Variants in ZNF804B observed in about 807,000 individuals in gnomAD.
ZNF804B encodes the protein zinc finger 804B.
ZNF804B carries 80 observed loss-of-function variants against 101.4 expected under a neutral mutation model. That is an observed-to-expected ratio of 0.79 (90% CI 0.66 to 0.95). The LOEUF is 0.95. ZNF804B is among the 40% of genes least tolerant of loss of function. The pLI, the probability that ZNF804B is intolerant of heterozygous loss-of-function variation, is 0.00. For synonymous variants in ZNF804B, 622 were observed against 558.8 expected (o/e 1.11, Z -1.59); for missense variants, 1,673 against 1,561.9 (o/e 1.07, Z -1.20).
intron 1 of ZNF804B, among the ~76,000 whole-genome samples, chr7:89,059,975 T>C (rs972726640): frequency 3.3e-5 from 5 of 152,104 alleles, no homozygotes; most frequent in Non-Finnish European, 7.4e-5. Context: ...CCTTGGAAAT[T>C]AGAGCTCTGG....
chr7:89,009,351 A>G (rs1431546267), intron 1 of ZNF804B, among the ~76,000 whole-genome samples: 2 of 152,194 alleles, frequency 1.3e-5, no homozygotes, highest in African/African-American at 2.4e-5. Flanking sequence ...AAATATATGT[A>G]TCCACTCTCA....
intron 1 of ZNF804B, among the ~76,000 whole-genome samples, chr7:88,891,010 C>G (rs1696205930): frequency 6.6e-6 from 1 of 151,730 alleles, no homozygotes; most frequent in African/African-American, 2.4e-5. Context: ...TTGTTTTATC[C>G]TCCTCAATAG....
chr7:88,901,829 T>C (rs1384587004), intron 1 of ZNF804B, among the ~76,000 whole-genome samples: 1 of 151,906 alleles, frequency 6.6e-6, no homozygotes, highest in Non-Finnish European at 1.5e-5. Context: ...ATAATTATAA[T>C]GAGCACTTAG....
chr7:89,040,701 C>T (rs2116247909), intron 1 of ZNF804B, among the ~76,000 whole-genome samples: 1 of 152,112 alleles, frequency 6.6e-6, no homozygotes, highest in East Asian at 1.9e-4. Flanking sequence ...TGTGGACTTG[C>T]ATTGGTGTCT....
chr7:89,217,320 G>A (rs1258798742), intron 1 of ZNF804B, among the ~76,000 whole-genome samples: 1 of 152,148 alleles, frequency 6.6e-6, no homozygotes, highest in Non-Finnish European at 1.5e-5. Context: ...GCCAGGCATA[G>A]GTTGTTTGAA....
chr7:88,898,106 A>G (rs1214829069), intron 1 of ZNF804B, among the ~76,000 whole-genome samples: 1 of 51,756 alleles, frequency 1.9e-5, no homozygotes, highest in African/African-American at 5.9e-5. Flanking sequence ...TTTTTTTTTG[A>G]GATAGAGTCT....
chr7:88,833,104 G>A (rs1583964554), intron 1 of ZNF804B, among the ~76,000 whole-genome samples: 1 of 149,332 alleles, frequency 6.7e-6, no homozygotes, highest in Admixed American at 6.7e-5. Flanking sequence ...ATATAAATTT[G>A]CAATTTAATA....
chr7:88,963,113 T>C (rs73399381), intron 1 of ZNF804B, among the ~76,000 whole-genome samples: 5,185 of 151,200 alleles, frequency 0.034, 114 homozygotes, highest in African/African-American at 0.059. Flanking sequence ...TAATCTACAC[T>C]TTCAGTATAA....
intron 1 of ZNF804B, among the ~76,000 whole-genome samples, chr7:88,816,610 C>T (rs889437437): frequency 1.3e-5 from 2 of 150,052 alleles, no homozygotes; most frequent in African/African-American, 4.9e-5. Flanking sequence ...GACATTTATG[C>T]AGCCAACAGA....
At chr7:89,223,698 G>A (rs1789039880) in intron 2 of ZNF804B, among the ~76,000 whole-genome samples, 1 of 151,038 alleles carries the variant, frequency 6.6e-6, no homozygotes, top group Admixed American at 6.6e-5. Context: ...AAAAAATTAA[G>A]ATATTTTCTT....
At chr7:88,780,128 T>A (rs1790201526) in intron 1 of ZNF804B, among the ~76,000 whole-genome samples, 1 of 152,138 alleles carries the variant, frequency 6.6e-6, no homozygotes, top group Non-Finnish European at 1.5e-5. Context: ...TAAGATGTCA[T>A]CTCACTCCAG....
chr7:89,026,806 C>T lies in ZNF804B; in HGVS notation c.109-191349C>T, dbSNP rs557645740. On this transcript the variant is annotated intron_variant, in intron 1 of 3. Coordinates refer to ENST00000333190, the MANE Select transcript of ZNF804B (RefSeq NM_181646.5). Reference sequence around the variant, plus strand: ...AAAGATAGAAGTTCCAATTTAGACACGATGATTTTAAGATTTGGTTGGACA... The same window carrying T: ...AAAGATAGAAGTTCCAATTTAGACATGATGATTTTAAGATTTGGTTGGACA... Among the ~76,000 whole-genome samples, 6 of 152,120 alleles carry T rather than the reference C, an allele frequency of 3.9e-5. No individual in the cohort carries two copies. In the South Asian group the frequency reaches 8.3e-4, roughly 21 times the overall value.
intron 2 of ZNF804B, among the ~76,000 whole-genome samples, chr7:89,232,262 G>C (rs1162925485): frequency 2.0e-5 from 3 of 152,022 alleles, no homozygotes; most frequent in Non-Finnish European, 2.9e-5. Context: ...ATTCAACCTT[G>C]CATTTCTGGA....
intron 2 of ZNF804B, among the ~76,000 whole-genome samples, chr7:89,287,158 T>C (rs1015489747): frequency 3.3e-5 from 5 of 152,204 alleles, no homozygotes; most frequent in African/African-American, 1.2e-4. Flanking sequence ...ACATACAAAA[T>C]ATGTGTTAAT....
chr7:89,200,979 T>A (rs1788624244), intron 1 of ZNF804B, among the ~76,000 whole-genome samples: 1 of 152,026 alleles, frequency 6.6e-6, no homozygotes, highest in Non-Finnish European at 1.5e-5. Flanking sequence ...GAAACCATAG[T>A]GATATTCAGG....
intron 1 of ZNF804B, among the ~76,000 whole-genome samples, chr7:89,010,498 G>A (rs995710443): frequency 1.3e-5 from 2 of 151,980 alleles, no homozygotes; most frequent in Non-Finnish European, 2.9e-5. Context: ...TTCCTTGGAG[G>A]GTTCCTAAAG....
At chr7:88,842,051 A>G (rs1791299406) in intron 1 of ZNF804B, among the ~76,000 whole-genome samples, 1 of 152,302 alleles carries the variant, frequency 6.6e-6, no homozygotes, top group South Asian at 2.1e-4. Context: ...ACTAAACAAT[A>G]TATACTTTTT....
chr7:88,787,303 A>G (rs913256782), intron 1 of ZNF804B, among the ~76,000 whole-genome samples: 2 of 152,132 alleles, frequency 1.3e-5, no homozygotes, highest in Non-Finnish European at 2.9e-5. Context: ...AATCCATTGA[A>G]TAATTTTGAT....
chr7:88,931,850 C>T (rs1792891861), intron 1 of ZNF804B, among the ~76,000 whole-genome samples: 1 of 151,772 alleles, frequency 6.6e-6, no homozygotes, highest in Admixed American at 6.6e-5. Context: ...CTTGTTCACA[C>T]TTGATCAATT....
Sources: gnomAD v4.1 joint callset for allele counts (sites outside exome capture counted in the v4.1 genomes callset) on GRCh38, gnomAD v4.1.1 for gene constraint, MANE v1.5 for transcripts, NCBI Gene and HGNC (gene_info 2026-07-23, HGNC 2026-07-21) for gene names.